KDM3B: variants seen among roughly 807,000 people sequenced by gnomAD.
KDM3B encodes lysine-specific demethylase 3B.
A neutral mutation model predicts 170.0 loss-of-function variants in KDM3B; 10 were observed. The observed-to-expected ratio is 0.06, with a 90% confidence interval of 0.04 to 0.10. The LOEUF is 0.10. Among genes scored for constraint, KDM3B ranks in the 10% least tolerant of loss-of-function variants. KDM3B has a pLI of 1.00. For missense variants in KDM3B, 1,394 were observed against 2,195.2 expected (o/e 0.64, Z 7.29); for synonymous variants, 831 against 834.8 (o/e 1.00, Z 0.08).
chr5:138,409,754 CA>C (rs1199627510), intron 11 of KDM3B, among the ~76,000 whole-genome samples: 1 of 151,850 alleles, frequency 6.6e-6, no homozygotes, highest in Non-Finnish European at 1.5e-5. Flanking sequence ...CCCATCTCTA[CA>C]AAAAAATTGT....
chr5:138,390,099 T>C (rs1762390430), intron 7 of KDM3B, among the ~76,000 whole-genome samples: 1 of 152,002 alleles, frequency 6.6e-6, no homozygotes, highest in Non-Finnish European at 1.5e-5. Context: ...GACCTCGTGA[T>C]CCGCCCATGT....
At chr5:138,386,974 T>TTACA (rs1762279520) in intron 7 of KDM3B, among the ~76,000 whole-genome samples, 1 of 152,216 alleles carries the variant, frequency 6.6e-6, no homozygotes, top group Admixed American at 6.5e-5. Flanking sequence ...GGTTAATGAA[T>TTACA]TACAGTATTG....
At chr5:138,416,437 A>C (rs1763105054) in intron 12 of KDM3B, among the ~76,000 whole-genome samples, 1 of 151,746 alleles carries the variant, frequency 6.6e-6, no homozygotes, top group South Asian at 2.1e-4. Flanking sequence ...TAAAAATATA[A>C]AGTTAGCCAG....
chr5:138,384,162 C>T lies in KDM3B; in HGVS notation c.781-1860C>T, dbSNP rs1159061760. On this transcript the variant is annotated intron_variant, in intron 6 of 23. Transcript: ENST00000314358. ...TCTGGAGGCTGAGGTAGGAGAATGG[C>T]GTGAACCTGGGAGGTGGAGCTTGCA... 7.3e-5 allele frequency among the ~76,000 whole-genome samples: 11 copies of T among 150,134 alleles called. No homozygotes were observed. The East Asian group carries it at 1.6e-3, about 22-fold the overall frequency.
intron 21 of KDM3B, 72 bp downstream of exon 21, chr5:138,430,037 G>A: frequency 1.9e-6 from 3 of 1,579,976 alleles, no homozygotes. Context: ...CCTATCTAGG[G>A]TTTCTCATGT....
intron 11 of KDM3B, among the ~76,000 whole-genome samples, chr5:138,413,275 C>T (rs946302239): frequency 1.5e-4 from 23 of 151,610 alleles, no homozygotes; most frequent in East Asian, 5.9e-4. Context: ...CTCAGCTACT[C>T]GGGAGGCGGA....
intron 19 of KDM3B, 83 bp from the exon 20 acceptor site, chr5:138,427,884 T>C: frequency 3.0e-6 from 4 of 1,321,390 alleles, no homozygotes. Context: ...ACAACACCCT[T>C]GAGCATGTTT....
At chr5:138,418,475 G>A (rs1763165577) in intron 13 of KDM3B, among the ~76,000 whole-genome samples, 1 of 152,064 alleles carries the variant, frequency 6.6e-6, no homozygotes, top group Admixed American at 6.6e-5. Context: ...AGAGGCACAG[G>A]GATTAATGCT....
intron 1 of KDM3B, among the ~76,000 whole-genome samples, chr5:138,359,055 G>A (rs1761530507): frequency 6.7e-6 from 1 of 148,438 alleles, no homozygotes; most frequent in Non-Finnish European, 1.5e-5. Flanking sequence ...TTGTTTTTTT[G>A]TTCTTGCGAT....
chr5:138,392,838 A>G (rs1207490850), intron 8 of KDM3B, among the ~76,000 whole-genome samples: 1 of 152,198 alleles, frequency 6.6e-6, no homozygotes, highest in Non-Finnish European at 1.5e-5. Flanking sequence ...TGGGAGCTCA[A>G]GAGGTCCTGA....
Position 138,435,609 on chromosome 5 carries a change from A to G in KDM3B, c.5206-11A>G, listed in dbSNP as rs769218329. The G allele has an allele frequency of 4.3e-6, 7 of 1,611,576 alleles. No individual in the cohort carries two copies. In the South Asian group the frequency reaches 6.6e-5, roughly 15 times the overall value. On this transcript the variant is annotated splice_polypyrimidine_tract_variant and intron_variant, in intron 23 of 23. Transcript: ENST00000314358. ...CTGCTGTGAACTGACTTTGCTGTAC[A>G]CCTTCTCTAGGTGAAGAACATCATT...
At chr5:138,385,885 G>C (rs973790445) in intron 6 of KDM3B, 137 bp from the exon 7 acceptor site, 7 of 922,544 alleles carry the variant, frequency 7.6e-6, no homozygotes, top group Middle Eastern at 3.4e-4. Context: ...TAACAAAGGG[G>C]ATGTTTTAGA....
intron 8 of KDM3B, among the ~76,000 whole-genome samples, chr5:138,392,596 A>C (rs1384478186): frequency 3.9e-5 from 6 of 152,168 alleles, no homozygotes; most frequent in African/African-American, 1.4e-4. Flanking sequence ...CATCCTCTTT[A>C]CTTCAGAGGG....
intron 11 of KDM3B, among the ~76,000 whole-genome samples, chr5:138,402,344 C>T (rs1007244958): frequency 1.3e-5 from 2 of 152,192 alleles, no homozygotes; most frequent in African/African-American, 2.4e-5. Context: ...CTTCCCTCTT[C>T]GGAGGTATAA....
At chr5:138,409,216 G>A (rs1451904411) in intron 11 of KDM3B, among the ~76,000 whole-genome samples, 2 of 151,994 alleles carry the variant, frequency 1.3e-5, no homozygotes, top group Non-Finnish European at 2.9e-5. Flanking sequence ...AGGGGAAAAG[G>A]AAAACAAAAG....
At chr5:138,357,716 T>A (rs1026137653) in intron 1 of KDM3B, among the ~76,000 whole-genome samples, 14 of 152,110 alleles carry the variant, frequency 9.2e-5, no homozygotes, top group African/African-American at 3.4e-4. Context: ...TTTATTTTTT[T>A]ATTTTTATTT....
At chr5:138,390,928 A>C in intron 7 of KDM3B, 85 bp from the exon 8 acceptor site, 1 of 1,273,688 alleles carries the variant, frequency 7.9e-7, no homozygotes, top group Non-Finnish European at 1.1e-6. Context: ...AGAAATGTTG[A>C]TCTGGTGATA....
chr5:138,372,549 A>T, intron 1 of KDM3B, 125 bp from the exon 2 acceptor site: 1 of 806,946 alleles, frequency 1.2e-6, no homozygotes, highest in Non-Finnish European at 1.9e-6. Context: ...CCATTAAAAT[A>T]ACTTAAACAC....
At chr5:138,431,648 A>T in intron 23 of KDM3B, 89 bp downstream of exon 23, 1 of 1,217,900 alleles carries the variant, frequency 8.2e-7, no homozygotes, top group African/African-American at 1.5e-5. Context: ...TTCTGAGGGT[A>T]TTCTCCGAAG....
Sources: allele counts gnomAD v4.1 joint callset (sites outside exome capture counted in the v4.1 genomes callset), GRCh38; gene constraint gnomAD v4.1.1; transcripts MANE v1.5; gene names NCBI Gene and HGNC (gene_info 2026-07-23, HGNC 2026-07-21).